Variants in MCTP2 observed in about 807,000 individuals in gnomAD.
MCTP2 encodes the protein multiple C2 and transmembrane domain containing 2.
In MCTP2, 132 loss-of-function variants were observed where a neutral mutation model predicts 111.6. The observed-to-expected ratio is 1.18, with a 90% CI of 1.03 to 1.37. The LOEUF is 1.37. Among genes scored for constraint, MCTP2 ranks in the 40% most tolerant of loss-of-function variants. The probability of loss-of-function intolerance (pLI) is 0.00; values close to 1 mark genes in which losing one functional copy is unlikely to be tolerated. For missense variants in MCTP2, 1,183 were observed against 1,067.9 expected, an observed-to-expected ratio of 1.11 and a Z score of -1.50; for synonymous variants, 395 against 387.7, an observed-to-expected ratio of 1.02 and a Z score of -0.22.
intron 4 of MCTP2, among the ~76,000 whole-genome samples, chr15:94,331,031 G>A (rs932719060): frequency 6.6e-6 from 1 of 152,124 alleles, no homozygotes; most frequent in Non-Finnish European, 1.5e-5. Flanking sequence ...ACCATGCCCA[G>A]CCCAGGCATA....
rs2074670902 is a variant in MCTP2, at chr15:94,480,433, G to GTATC, written c.*1401_*1404dup. ...TCCCGTGTCTGTTTTTCTTCATGTT[G>GTATC]TATCTCACTGGGTTGCTTTCTGGCT... On this transcript the variant is annotated 3_prime_UTR_variant, in exon 23 of 23. Coordinates refer to ENST00000357742, the MANE Select transcript of MCTP2 (RefSeq NM_001385001.1). The GTATC allele has an allele frequency of 2.0e-5, 3 of 150,852 alleles. No individual in the cohort carries two copies. Among genetic ancestry groups the GTATC allele is most frequent in the Admixed American group, 2.0e-4 (3 of 15,124 alleles). The allele number at this position is 150,852 out of a possible 1,614,324, so 9.3% of individuals were successfully genotyped here.
chr15:94,314,436 T>TAAAAA (rs35800874), intron 3 of MCTP2, 92 bp downstream of exon 3: 6 of 619,290 alleles, frequency 9.7e-6, no homozygotes, highest in Non-Finnish European at 1.5e-5. Context: ...CTTTTATTGC[T>TAAAAA]AAAAAAAAAA....
intron 4 of MCTP2, among the ~76,000 whole-genome samples, chr15:94,326,139 A>G (rs559832452): frequency 5.3e-5 from 8 of 151,860 alleles, no homozygotes; most frequent in Non-Finnish European, 7.4e-5. Flanking sequence ...TTTAAAATCT[A>G]TTTTTCTTTC....
At chr15:94,332,590 T>A (rs2077179067) in intron 4 of MCTP2, among the ~76,000 whole-genome samples, 1 of 152,214 alleles carries the variant, frequency 6.6e-6, no homozygotes, top group Admixed American at 6.5e-5. Context: ...CCAAAGAAAG[T>A]TATCAGATAT....
intron 12 of MCTP2, among the ~76,000 whole-genome samples, chr15:94,371,245 A>G (rs28542825): frequency 0.04 from 6,057 of 152,230 alleles, 416 homozygotes; most frequent in African/African-American, 0.14. Flanking sequence ...AATAGAAGAT[A>G]CAATTTTTGA....
intron 17 of MCTP2, among the ~76,000 whole-genome samples, chr15:94,428,929 C>A (rs1266242691): frequency 6.6e-6 from 1 of 150,676 alleles, no homozygotes; most frequent in Non-Finnish European, 1.5e-5. Flanking sequence ...AGCATGGCTC[C>A]AAAAAAAAAT....
Position 94,399,999 on chromosome 15 carries a change from G to T in MCTP2, c.1965+4G>T. ...CAGCCGCAAGCTGTCCAAAAAGGTG[G>T]GTCGCTACAGTAGGTGGCTTGTTGA... On this transcript the variant is annotated splice_donor_region_variant and intron_variant, in intron 16 of 22. Coordinates refer to ENST00000357742, the MANE Select transcript of MCTP2 (RefSeq NM_001385001.1). 2 of 1,613,740 alleles carry T rather than the reference G, an allele frequency of 1.2e-6. No homozygotes were observed. Among genetic ancestry groups the T allele is most frequent in the Non-Finnish European group, 1.7e-6 (2 of 1,179,750 alleles).
chr15:94,329,638 TCCA>T (rs1186614579), intron 4 of MCTP2, among the ~76,000 whole-genome samples: 1 of 152,022 alleles, frequency 6.6e-6, no homozygotes. Context: ...TCATGAGAAA[TCCA>T]CCACCATGAC....
intron 9 of MCTP2, among the ~76,000 whole-genome samples, chr15:94,357,561 T>G (rs71395768): frequency 0.25 from 37,154 of 149,962 alleles, 4,918 homozygotes; most frequent in African/African-American, 0.36. Flanking sequence ...TTTTTTTTGT[T>G]TTTGTTTTTT....
rs1461423907 is a variant in MCTP2, at chr15:94,480,275, A to T, written c.*1241A>T. 7 of 152,164 alleles carry T rather than the reference A, an allele frequency of 4.6e-5. No individual in the cohort carries two copies. Among genetic ancestry groups the T allele is most frequent in the Admixed American group, 6.5e-5 (1 of 15,278 alleles). The allele number at this position is 152,164 out of a possible 1,614,324, so 9.4% of individuals were successfully genotyped here. A position where few individuals can be genotyped will look rare whatever the true frequency, so the allele number is the denominator to read the frequency against. On this transcript the variant is annotated 3_prime_UTR_variant, in exon 23 of 23. Transcript: ENST00000357742. ...CAGTTTTTATGTATGTATGTATTAT[A>T]AAAAAAGTTAAGGTTAAAAAGATCT...
chr15:94,312,432 G>A (rs1386440445), intron 2 of MCTP2, among the ~76,000 whole-genome samples: 1 of 152,212 alleles, frequency 6.6e-6, no homozygotes, highest in African/African-American at 2.4e-5. Flanking sequence ...CAAAGGACCT[G>A]TAGCCTCTTT....
At chr15:94,265,456 T>G (rs1289777920) in intron 1 of MCTP2, among the ~76,000 whole-genome samples, 4 of 152,222 alleles carry the variant, frequency 2.6e-5, no homozygotes, top group African/African-American at 4.8e-5. Context: ...TATTAAATAT[T>G]TCAAAGTATA....
At chr15:94,264,852 A>G (rs979445360) in intron 1 of MCTP2, among the ~76,000 whole-genome samples, 6 of 152,190 alleles carry the variant, frequency 3.9e-5, no homozygotes, top group African/African-American at 1.4e-4. Flanking sequence ...AGCTGAGGTA[A>G]TATTAGAACA....
intron 17 of MCTP2, among the ~76,000 whole-genome samples, chr15:94,411,627 T>C (rs1276619478): frequency 5.9e-5 from 9 of 152,198 alleles, no homozygotes; most frequent in Admixed American, 5.2e-4. Context: ...ATTTATGATT[T>C]AGAAAGGTGT....
chr15:94,440,105 T>C (rs1567710689), intron 17 of MCTP2, 71 bp from the exon 18 acceptor site: 5 of 1,548,522 alleles, frequency 3.2e-6, no homozygotes, highest in Non-Finnish European at 4.4e-6. Flanking sequence ...CTTACATCAA[T>C]GAGTAGGAAT....
At chr15:94,357,201 C>T (rs2078673245) in intron 9 of MCTP2, among the ~76,000 whole-genome samples, 1 of 152,206 alleles carries the variant, frequency 6.6e-6, no homozygotes, top group African/African-American at 2.4e-5. Context: ...TCAAATATTA[C>T]ATGTCATCTA....
chr15:94,279,659 G>A (rs2074382232), intron 1 of MCTP2, among the ~76,000 whole-genome samples: 3 of 152,170 alleles, frequency 2.0e-5, no homozygotes, highest in East Asian at 3.9e-4. Context: ...TGCTGAATAG[G>A]AGTGGTGAGA....
intron 2 of MCTP2, among the ~76,000 whole-genome samples, chr15:94,313,981 C>T (rs113504132): frequency 2.7e-4 from 41 of 152,340 alleles, no homozygotes; most frequent in African/African-American, 8.2e-4. Flanking sequence ...TGTGCTGCCC[C>T]GCTGCTTTCT....
At position 94,479,185 on chromosome 15, in the gene MCTP2, A is replaced by T; in HGVS notation, c.*151A>T. 2.8e-6 allele frequency: 2 copies of T among 721,008 alleles called. No individual in the cohort carries two copies. The highest frequency in any genetic ancestry group is 4.9e-6 in the Non-Finnish European group (2 of 407,146). 44.7% of individuals were successfully genotyped at this position (721,008 alleles called of 1,614,324 possible). A position where few individuals can be genotyped will look rare whatever the true frequency, so the allele number is the denominator to read the frequency against. On this transcript the variant is annotated 3_prime_UTR_variant, in exon 23 of 23. Coordinates refer to ENST00000357742, the MANE Select transcript of MCTP2 (RefSeq NM_001385001.1). Reference sequence around the variant, plus strand: ...ACTTCCTCCTCCTTCACGTGCACAGACATACACACATGTGCACACACCCTC... The same window carrying T: ...ACTTCCTCCTCCTTCACGTGCACAGTCATACACACATGTGCACACACCCTC...
Sources: gnomAD v4.1 joint callset for allele counts (sites outside exome capture counted in the v4.1 genomes callset) on GRCh38, gnomAD v4.1.1 for gene constraint, MANE v1.5 for transcripts, NCBI Gene and HGNC (gene_info 2026-07-23, HGNC 2026-07-21) for gene names.